Variants in COL22A1 observed in about 807,000 individuals in gnomAD.
COL22A1 encodes the protein collagen alpha-1(XXII) chain.
COL22A1 carries 221 observed loss-of-function variants against 248.9 expected under a neutral mutation model. That is an observed-to-expected ratio of 0.89 (90% CI 0.80 to 0.99). The LOEUF is 0.99. Among genes scored for constraint, COL22A1 ranks in the 50% least tolerant of loss-of-function variants. The pLI is 0.00. For synonymous variants in COL22A1, 891 were observed against 793.4 expected (o/e 1.12, Z -2.07); for missense variants, 2,240 against 2,179.0 (o/e 1.03, Z -0.56).
At chr8:138,794,811 G>A (rs1816360665) in intron 12 of COL22A1, among the ~76,000 whole-genome samples, 1 of 152,028 alleles carries the variant, frequency 6.6e-6, no homozygotes, top group South Asian at 2.1e-4. Context: ...GCCAGATGCA[G>A]GAAGACAAAT....
At chr8:138,765,997 A>G (rs150647768) in intron 16 of COL22A1, among the ~76,000 whole-genome samples, 2 of 152,296 alleles carry the variant, frequency 1.3e-5, no homozygotes, top group Non-Finnish European at 2.9e-5. Flanking sequence ...CACCTGCCCT[A>G]TGGCCCCCTG....
At chr8:138,827,146 C>T in intron 5 of COL22A1, 1 of 260,922 alleles carries the variant, frequency 3.8e-6, no homozygotes, top group East Asian at 7.9e-5. Context: ...CCTGCTGCAT[C>T]CTCCTCAGCC....
chr8:138,757,174 G>A (rs1011059561), intron 18 of COL22A1, among the ~76,000 whole-genome samples: 38 of 152,138 alleles, frequency 2.5e-4, no homozygotes, highest in Non-Finnish European at 4.4e-5. Flanking sequence ...AGATCCCAGC[G>A]CGGATATCAA....
At position 138,807,781 on chromosome 8, in the gene COL22A1, A is replaced by T. The variant is rs1389848055; in HGVS notation, c.1481T>A (p.Leu494His). The change falls in exon 10 of 65, where the codon CTC (leucine) becomes CAC (histidine). Residue 494 changes from leucine to histidine, a missense_variant. Coordinates refer to ENST00000303045, the MANE Select transcript of COL22A1 (RefSeq NM_152888.3). ...GEMGVAGPMG[L>H]PGPKGDIGAI... ...GCCTGTACTGACCTTTGGACCAGGGAGCCCCATGGGGCCAGCAACTCCCAT... is the reference window on the plus strand; with the variant it reads ...GCCTGTACTGACCTTTGGACCAGGGTGCCCCATGGGGCCAGCAACTCCCAT... 1 of 1,613,982 alleles carries T rather than the reference A, an allele frequency of 6.2e-7. No homozygotes were observed. The highest frequency in any genetic ancestry group is 1.3e-5 in the African/African-American group (1 of 74,934).
intron 4 of COL22A1, 31 bp downstream of exon 4, chr8:138,844,053 C>G (rs768238252): frequency 5.0e-6 from 8 of 1,597,410 alleles, no homozygotes; most frequent in African/African-American, 1.3e-5. Context: ...TACACCAAAG[C>G]AAGCACACGT....
chr8:138,877,120 C>T (rs1360054096), intron 3 of COL22A1, among the ~76,000 whole-genome samples: 1 of 152,182 alleles, frequency 6.6e-6, no homozygotes, highest in Non-Finnish European at 1.5e-5. Context: ...CCTCCCCCAC[C>T]CCCAGCCACA....
intron 35 of COL22A1, among the ~76,000 whole-genome samples, chr8:138,692,116 GTGTA>G (rs1192814226): frequency 7.1e-4 from 13 of 18,352 alleles, no homozygotes; most frequent in East Asian, 2.5e-3. Flanking sequence ...GTGGAGGTGT[GTGTA>G]TGTGTGTACG....
chr8:138,634,172 T>C (rs965865680), intron 49 of COL22A1, among the ~76,000 whole-genome samples: 6 of 152,208 alleles, frequency 3.9e-5, no homozygotes, highest in Non-Finnish European at 7.3e-5. Context: ...AGTTGAGTTG[T>C]TTAAAAAGAT....
At chr8:138,905,174 C>T (rs1039691158) in intron 1 of COL22A1, among the ~76,000 whole-genome samples, 9 of 152,128 alleles carry the variant, frequency 5.9e-5, no homozygotes, top group Non-Finnish European at 8.8e-5. Flanking sequence ...TCAGTGCTTC[C>T]TTCACACTCA....
chr8:138,630,781 G>T (rs747653772), intron 49 of COL22A1, 33 bp from the exon 50 acceptor site: 2 of 1,602,250 alleles, frequency 1.2e-6, no homozygotes, highest in South Asian at 1.1e-5. Flanking sequence ...CTAGTTTCTT[G>T]TGCATCTAGA....
chr8:138,836,135 G>A (rs892201967), intron 4 of COL22A1, among the ~76,000 whole-genome samples: 1 of 152,186 alleles, frequency 6.6e-6, no homozygotes, highest in Admixed American at 6.5e-5. Context: ...GCCAGGGGTG[G>A]TAGTGGGTTC....
intron 1 of COL22A1, among the ~76,000 whole-genome samples, chr8:138,893,234 T>C (rs1825187401): frequency 6.6e-6 from 1 of 152,218 alleles, no homozygotes; most frequent in African/African-American, 2.4e-5. Context: ...GACCAGACAC[T>C]GTCACAGGTG....
At chr8:138,623,814 G>A (rs1370986233) in intron 51 of COL22A1, 29 bp from the exon 52 acceptor site, 5 of 1,597,786 alleles carry the variant, frequency 3.1e-6, no homozygotes, top group Non-Finnish European at 4.3e-6. Context: ...TTGGTTATCA[G>A]GTCAAAGAAG....
chr8:138,833,908 A>G (rs1248579802), intron 4 of COL22A1, among the ~76,000 whole-genome samples: 1 of 152,184 alleles, frequency 6.6e-6, no homozygotes, highest in Non-Finnish European at 1.5e-5. Context: ...GTGGAAGGAC[A>G]GCAATGATGC....
chr8:138,644,066 G>C (rs965661533), intron 47 of COL22A1, among the ~76,000 whole-genome samples: 4 of 152,130 alleles, frequency 2.6e-5, no homozygotes, highest in African/African-American at 9.7e-5. Flanking sequence ...ACAGGTGGTA[G>C]CCACCACACC....
intron 1 of COL22A1, among the ~76,000 whole-genome samples, chr8:138,896,847 C>T (rs1174183495): frequency 1.3e-5 from 2 of 152,076 alleles, no homozygotes; most frequent in Non-Finnish European, 2.9e-5. Context: ...GTGGTGAGTG[C>T]CTGTAATCCC....
At chr8:138,664,940 T>C (rs911276542) in intron 41 of COL22A1, among the ~76,000 whole-genome samples, 25 of 152,112 alleles carry the variant, frequency 1.6e-4, no homozygotes, top group African/African-American at 5.8e-4. Flanking sequence ...CATCCTGCCC[T>C]CAGTCCAGTG....
intron 1 of COL22A1, among the ~76,000 whole-genome samples, chr8:138,904,057 G>A (rs1354308192): frequency 7.2e-5 from 11 of 152,024 alleles, no homozygotes; most frequent in East Asian, 3.9e-4. Flanking sequence ...CCCTATCCCC[G>A]CTTTTTAAGC....
chr8:138,662,672 C>T (rs4344118), intron 42 of COL22A1, among the ~76,000 whole-genome samples: 7 of 152,052 alleles, frequency 4.6e-5, no homozygotes, highest in African/African-American at 1.2e-4. Context: ...ACTGTGCTAC[C>T]GGGCTGCTCA....
Sources: gnomAD v4.1 joint callset for allele counts (sites outside exome capture counted in the v4.1 genomes callset) on GRCh38, gnomAD v4.1.1 for gene constraint, MANE v1.5 for transcripts, NCBI Gene and HGNC (gene_info 2026-07-23, HGNC 2026-07-21) for gene names.